The following PRKG1 variants were observed in gnomAD, a reference collection of about 807,000 sequenced individuals.
The protein encoded by PRKG1 is cGMP-dependent protein kinase 1.
A neutral mutation model predicts 88.1 loss-of-function variants in PRKG1; 35 were observed. The observed-to-expected ratio is 0.40, with a 90% CI of 0.30 to 0.53. The LOEUF (loss-of-function observed/expected upper bound fraction) is 0.53. Ranked by LOEUF, PRKG1 falls within the 20% of genes least tolerant of loss-of-function variation. The pLI, the probability that PRKG1 is intolerant of heterozygous loss-of-function variation, is 0.59. For synonymous variants in PRKG1, 303 were observed against 292.5 expected, an observed-to-expected ratio of 1.04 and a Z score of -0.37; for missense variants, 540 against 839.8, an observed-to-expected ratio of 0.64 and a Z score of 4.41.
Position 51,307,392 on chromosome 10 carries a change from G to A in PRKG1, c.478+154062G>A, listed in dbSNP as rs140709454. Among the ~76,000 whole-genome samples, 901 of 152,174 alleles carry A rather than the reference G, an allele frequency of 5.9e-3. 6 individuals are homozygous for A. The highest frequency in any genetic ancestry group is 0.01 in the Middle Eastern group (3 of 294). ...GCCCAAGGTAATGCAATCAGTGGTG[G>A]CACCAGGATTTGACTCCAAGATGAT... On this transcript the variant is annotated intron_variant, in intron 2 of 17. Coordinates refer to ENST00000373980, the MANE Select transcript of PRKG1 (RefSeq NM_006258.4).
intron 5 of PRKG1, among the ~76,000 whole-genome samples, chr10:52,005,759 C>T (rs1279987431): frequency 1.3e-5 from 2 of 152,152 alleles, no homozygotes; most frequent in African/African-American, 4.8e-5. Flanking sequence ...GTCCACCAAT[C>T]TTACCTCCCA....
chr10:51,676,678 A>T (rs965584030), intron 3 of PRKG1, among the ~76,000 whole-genome samples: 4 of 152,158 alleles, frequency 2.6e-5, no homozygotes, highest in African/African-American at 9.7e-5. Context: ...TGATTTATTT[A>T]TTTGTTTTCT....
rs141462615 is a variant in PRKG1, at chr10:51,888,118, T to C, written c.699-19389T>C. On this transcript the variant is annotated intron_variant, in intron 4 of 17. Coordinates refer to ENST00000373980, the MANE Select transcript of PRKG1 (RefSeq NM_006258.4). The stretch of plus-strand genomic sequence containing the variant: ...TATATACTTAGTACCTTGGTTGTGG[T>C]GATGGTATTATGGGTATAGGCTTAT... Among the ~76,000 whole-genome samples the C allele has an allele frequency of 5.2e-3, 795 of 152,262 alleles. 6 individuals are homozygous for C. Among genetic ancestry groups the C allele is most frequent in the African/African-American group, 0.018 (757 of 41,554 alleles).
intron 1 of PRKG1, among the ~76,000 whole-genome samples, chr10:51,100,355 C>T (rs1238399516): frequency 6.6e-6 from 1 of 152,068 alleles, no homozygotes; most frequent in Non-Finnish European, 1.5e-5. Context: ...TTTAAAATGT[C>T]TAATGTTTAG....
At chr10:52,213,179 AT>A (rs1192162541) in intron 9 of PRKG1, among the ~76,000 whole-genome samples, 1 of 152,208 alleles carries the variant, frequency 6.6e-6, no homozygotes, top group East Asian at 1.9e-4. Flanking sequence ...AATAAAAAAA[AT>A]AAAAATAAAA....
At chr10:51,884,222 A>G (rs7920834) in intron 4 of PRKG1, among the ~76,000 whole-genome samples, 60,944 of 149,610 alleles carry the variant, frequency 0.41, 12,758 homozygotes, top group East Asian at 0.62. Context: ...CGAGACGGGC[A>G]GATCACGAGG....
chr10:51,333,828 T>C (rs960819381), intron 2 of PRKG1, among the ~76,000 whole-genome samples: 10 of 152,202 alleles, frequency 6.6e-5, no homozygotes, highest in African/African-American at 2.4e-4. Context: ...CCTTTCTCTA[T>C]TGATCCTTTG....
chr10:51,957,700 C>A (rs1229575611), intron 5 of PRKG1, among the ~76,000 whole-genome samples: 1 of 152,140 alleles, frequency 6.6e-6, no homozygotes, highest in Admixed American at 6.6e-5. Flanking sequence ...GAGAGAATCT[C>A]AGTATACCTT....
At chr10:51,067,227 C>T (rs1044176488) in intron 1 of PRKG1, among the ~76,000 whole-genome samples, 1 of 149,634 alleles carries the variant, frequency 6.7e-6, no homozygotes, top group African/African-American at 2.5e-5. Context: ...ATGTTGCTGT[C>T]GCTCCTTTAA....
Position 51,469,358 on chromosome 10 carries a change from T to A in PRKG1, c.592+1522T>A, listed in dbSNP as rs901042273. The stretch of plus-strand genomic sequence containing the variant: ...TCAGGCTTGTACACTGCTTGATACT[T>A]TAATCTAATTGAAACTACAAAATTT... On this transcript the variant is annotated intron_variant, in intron 3 of 17. Transcript: ENST00000373980. 4.6e-5 allele frequency among the ~76,000 whole-genome samples: 7 copies of A among 152,016 alleles called. No homozygotes were observed. In the East Asian group the frequency reaches 1.2e-3, roughly 25 times the overall value.
intron 1 of PRKG1, among the ~76,000 whole-genome samples, chr10:51,035,157 T>C (rs1352974591): frequency 6.6e-6 from 1 of 152,130 alleles, no homozygotes; most frequent in Non-Finnish European, 1.5e-5. Flanking sequence ...TTGGCTCCCT[T>C]ATGGATGAGC....
At chr10:51,042,009 C>A (rs1306549112) in intron 1 of PRKG1, among the ~76,000 whole-genome samples, 1 of 152,154 alleles carries the variant, frequency 6.6e-6, no homozygotes, top group African/African-American at 2.4e-5. Context: ...CATGCTTAGA[C>A]CATGTCCTCT....
intron 5 of PRKG1, among the ~76,000 whole-genome samples, chr10:51,925,601 T>C (rs1250526894): frequency 1.3e-5 from 2 of 152,106 alleles, no homozygotes; most frequent in Non-Finnish European, 2.9e-5. Context: ...TTCCTTTGAG[T>C]GCAGGACTTG....
intron 1 of PRKG1, among the ~76,000 whole-genome samples, chr10:51,126,095 A>C (rs1240845921): frequency 8.8e-6 from 1 of 114,166 alleles, no homozygotes; most frequent in Non-Finnish European, 1.7e-5. Flanking sequence ...ATTATATAAT[A>C]ATATACTATA....
intron 3 of PRKG1, among the ~76,000 whole-genome samples, chr10:51,797,911 T>A (rs1239503774): frequency 6.6e-6 from 1 of 152,074 alleles, no homozygotes. Flanking sequence ...TGTCTTTTTG[T>A]ATGTGGCTTA....
At chr10:51,321,278 T>C (rs1841448261) in intron 2 of PRKG1, among the ~76,000 whole-genome samples, 1 of 152,170 alleles carries the variant, frequency 6.6e-6, no homozygotes, top group African/African-American at 2.4e-5. Flanking sequence ...ATCTATAAAA[T>C]GGAGTTAAGC....
chr10:51,977,482 C>A (rs188065304), intron 5 of PRKG1, among the ~76,000 whole-genome samples: 1 of 152,190 alleles, frequency 6.6e-6, no homozygotes, highest in Admixed American at 6.5e-5. Context: ...TGGGTATCTA[C>A]CCAGTAATGG....
chr10:51,939,677 A>C (rs2133024993), intron 5 of PRKG1, among the ~76,000 whole-genome samples: 1 of 151,856 alleles, frequency 6.6e-6, no homozygotes, highest in Non-Finnish European at 1.5e-5. Context: ...GCCTCTGGTA[A>C]GTACTTTAGG....
chr10:51,029,125 C>G (rs1306140906), intron 1 of PRKG1, among the ~76,000 whole-genome samples: 1 of 152,124 alleles, frequency 6.6e-6, no homozygotes, highest in Non-Finnish European at 1.5e-5. Context: ...ACAAAAAGCA[C>G]AAGCTGCCAT....
Sources: gnomAD v4.1 joint callset for allele counts (sites outside exome capture counted in the v4.1 genomes callset) on GRCh38, gnomAD v4.1.1 for gene constraint, MANE v1.5 for transcripts, NCBI Gene and HGNC (gene_info 2026-07-23, HGNC 2026-07-21) for gene names.